Variants in CDH13 observed in about 807,000 individuals in gnomAD.
The protein encoded by CDH13 is cadherin-13.
CDH13 carries 24 observed loss-of-function variants against 63.8 expected under a neutral mutation model. The observed-to-expected ratio is 0.38, with a 90% CI of 0.27 to 0.53. The LOEUF (loss-of-function observed/expected upper bound fraction) is 0.53. Among genes scored for constraint, CDH13 ranks in the 20% least tolerant of loss-of-function variants. The pLI, the probability that CDH13 is intolerant of heterozygous loss-of-function variation, is 0.85. For missense variants in CDH13, 1,049 were observed against 903.1 expected (o/e 1.16, Z -2.07); for synonymous variants, 503 against 355.3 (o/e 1.42, Z -4.67).
rs77905499 is a variant in CDH13, at chr16:83,308,534, C to G, written c.637-36328C>G. 6.1e-3 allele frequency among the ~76,000 whole-genome samples: 932 copies of G among 152,272 alleles called. 64 individuals carry two copies. In the East Asian group the frequency reaches 0.13, roughly 22 times the overall value. ...TTTTTCAGTATAAGGCAAATGGCAA[C>G]AAAAACACACTAGAGATTACAAAGC... On this transcript the variant is annotated intron_variant, in intron 5 of 13. Coordinates refer to ENST00000567109, the MANE Select transcript of CDH13 (RefSeq NM_001257.5).
chr16:83,325,979 A>T (rs536071278), intron 5 of CDH13, among the ~76,000 whole-genome samples: 2 of 152,300 alleles, frequency 1.3e-5, no homozygotes, highest in Non-Finnish European at 2.9e-5. Context: ...CTGAAAGAGA[A>T]AAAAGGTGAC....
chr16:83,009,591 A>C (rs1474380840), intron 2 of CDH13, among the ~76,000 whole-genome samples: 1 of 152,122 alleles, frequency 6.6e-6, no homozygotes, highest in African/African-American at 2.4e-5. Flanking sequence ...TTACATCTGA[A>C]CCCAGGACCA....
In CDH13 at chr16:83,585,469, G is replaced by T. The variant is rs543997499; in HGVS notation, c.961-16985G>T. Among the ~76,000 whole-genome samples, 6 of 152,270 alleles carry T rather than the reference G, an allele frequency of 3.9e-5. No homozygotes were observed. In the East Asian group the frequency reaches 1.2e-3, roughly 29 times the overall value. On this transcript the variant is annotated intron_variant, in intron 7 of 13. Coordinates refer to ENST00000567109, the MANE Select transcript of CDH13 (RefSeq NM_001257.5). ...TGATGCATCTACCAGAACAGGGAAG[G>T]ACTGTGCTTGGCTGGGGAGCTGCTG...
At chr16:82,690,324 A>T (rs79048403) in intron 1 of CDH13, among the ~76,000 whole-genome samples, 3 of 152,188 alleles carry the variant, frequency 2.0e-5, no homozygotes, top group African/African-American at 7.2e-5. Flanking sequence ...ACCCTAAAGC[A>T]TTGCTATTTT....
intron 4 of CDH13, among the ~76,000 whole-genome samples, chr16:83,176,647 A>T (rs956639286): frequency 2.0e-5 from 3 of 152,044 alleles, no homozygotes; most frequent in Admixed American, 6.6e-5. Flanking sequence ...CTTTGTGCAC[A>T]TTCCTAATAA....
At chr16:83,712,952 G>A (rs755198881) in intron 10 of CDH13, among the ~76,000 whole-genome samples, 19 of 152,212 alleles carry the variant, frequency 1.2e-4, no homozygotes, top group South Asian at 8.3e-4. Flanking sequence ...GTAACAGTAC[G>A]ATTCTGAGCC....
At chr16:83,009,652 T>C (rs1055824061) in intron 2 of CDH13, among the ~76,000 whole-genome samples, 10 of 152,228 alleles carry the variant, frequency 6.6e-5, no homozygotes, top group Admixed American at 5.9e-4. Context: ...GCTGTTCTTT[T>C]TAAAAAATTG....
intron 7 of CDH13, among the ~76,000 whole-genome samples, chr16:83,529,741 A>G (rs1483785493): frequency 3.3e-5 from 5 of 152,258 alleles, no homozygotes; most frequent in Non-Finnish European, 7.3e-5. Context: ...TTTATCTATT[A>G]AACGACCACA....
At chr16:82,917,004 C>T (rs1019941933) in intron 2 of CDH13, among the ~76,000 whole-genome samples, 1 of 152,186 alleles carries the variant, frequency 6.6e-6, no homozygotes, top group Non-Finnish European at 1.5e-5. Flanking sequence ...CAGCTACTCA[C>T]TGTAAAAGTG....
intron 1 of CDH13, among the ~76,000 whole-genome samples, chr16:82,746,653 C>T (rs568499735): frequency 2.0e-5 from 3 of 152,068 alleles, no homozygotes; most frequent in South Asian, 4.1e-4. Context: ...TTATTTTCTT[C>T]TCAAGTAAGT....
intron 3 of CDH13, among the ~76,000 whole-genome samples, chr16:83,046,910 C>A (rs1025281834): frequency 3.9e-5 from 6 of 152,138 alleles, no homozygotes; most frequent in Admixed American, 6.5e-5. Context: ...GACATGAGAT[C>A]CAAGAGAGGG....
chr16:83,581,533 C>A (rs1207953330), intron 7 of CDH13, among the ~76,000 whole-genome samples: 1 of 152,114 alleles, frequency 6.6e-6, no homozygotes, highest in Non-Finnish European at 1.5e-5. Context: ...TAAAACAGAG[C>A]CTTGGCCAGG....
chr16:83,238,068 T>A (rs1904278281), intron 5 of CDH13, among the ~76,000 whole-genome samples: 1 of 151,002 alleles, frequency 6.6e-6, no homozygotes, highest in Admixed American at 6.6e-5. Context: ...ACCAAATTCA[T>A]CTCAGCCTGT....
intron 7 of CDH13, among the ~76,000 whole-genome samples, chr16:83,514,911 C>G (rs2074666699): frequency 1.3e-5 from 2 of 152,196 alleles, no homozygotes; most frequent in Middle Eastern, 3.4e-3. Context: ...GTTTTGAGCC[C>G]CTCCGGTTTG....
chr16:83,353,380 C>A (rs2090995577), intron 6 of CDH13, among the ~76,000 whole-genome samples: 1 of 151,648 alleles, frequency 6.6e-6, no homozygotes. Flanking sequence ...CCCTGATGGG[C>A]ACCATTGCAC....
At chr16:82,862,196 T>A (rs1443476099) in intron 2 of CDH13, among the ~76,000 whole-genome samples, 3 of 152,102 alleles carry the variant, frequency 2.0e-5, no homozygotes, top group Non-Finnish European at 4.4e-5. Flanking sequence ...GGAGCTGACA[T>A]CTTAGTACCA....
chr16:83,447,087 T>A (rs1598042239), intron 6 of CDH13, among the ~76,000 whole-genome samples: 3 of 138,432 alleles, frequency 2.2e-5, no homozygotes, highest in Non-Finnish European at 4.7e-5. Flanking sequence ...AAAAACACCT[T>A]ATAGTAACCT....
At chr16:82,629,059 G>A (rs1431343546) in intron 1 of CDH13, among the ~76,000 whole-genome samples, 1 of 152,206 alleles carries the variant, frequency 6.6e-6, no homozygotes, top group Non-Finnish European at 1.5e-5. Flanking sequence ...TTCTTGGCAG[G>A]TTTCAACCTC....
intron 1 of CDH13, among the ~76,000 whole-genome samples, chr16:82,695,996 C>T (rs2030239512): frequency 6.6e-6 from 1 of 152,148 alleles, no homozygotes; most frequent in African/African-American, 2.4e-5. Context: ...AACACTAAGC[C>T]TTTCTAATGT....
Sources: gnomAD v4.1 joint callset for allele counts (sites outside exome capture counted in the v4.1 genomes callset) on GRCh38, gnomAD v4.1.1 for gene constraint, MANE v1.5 for transcripts, NCBI Gene and HGNC (gene_info 2026-07-23, HGNC 2026-07-21) for gene names.